TMEM132B: variants seen among roughly 807,000 people sequenced by gnomAD.
TMEM132B encodes the protein transmembrane protein 132B.
TMEM132B carries 18 observed loss-of-function variants against 90.8 expected under a neutral mutation model. The observed-to-expected ratio is 0.20, with a 90% CI of 0.14 to 0.29. The LOEUF (loss-of-function observed/expected upper bound fraction) is 0.29. Among genes scored for constraint, TMEM132B ranks in the 10% least tolerant of loss-of-function variants. The pLI is 1.00. For missense variants in TMEM132B, 1,096 were observed against 1,326.8 expected, an observed-to-expected ratio of 0.83 and a Z score of 2.70; for synonymous variants, 504 against 523.3, an observed-to-expected ratio of 0.96 and a Z score of 0.50.
At chr12:125,499,824 T>C (rs779307242) in intron 3 of TMEM132B, among the ~76,000 whole-genome samples, 4 of 152,234 alleles carry the variant, frequency 2.6e-5, no homozygotes, top group Admixed American at 6.5e-5. Context: ...TATGGAAAGA[T>C]TGTGTTTCTG....
At chr12:125,194,543 C>T (rs1036982086) in intron 1 of TMEM132B, among the ~76,000 whole-genome samples, 3 of 152,154 alleles carry the variant, frequency 2.0e-5, no homozygotes, top group East Asian at 1.9e-4. Flanking sequence ...TCCTGGCTCC[C>T]GGAGTCTGCG....
At chr12:125,222,244 T>C (rs953175747) in intron 1 of TMEM132B, among the ~76,000 whole-genome samples, 3 of 152,236 alleles carry the variant, frequency 2.0e-5, no homozygotes, top group Non-Finnish European at 4.4e-5. Flanking sequence ...TATGTGTTTG[T>C]TGCTTATTTT....
chr12:125,369,776 G>A lies in TMEM132B; in HGVS notation c.959+19433G>A, dbSNP rs9804809. On this transcript the variant is annotated intron_variant, in intron 2 of 8. Transcript: ENST00000682704. Reference sequence around the variant, plus strand: ...TAATAAGATATTTAATGGGCCGGGCGTGGTGGCTTATGCCAGTAATCCCAG... The same window carrying A: ...TAATAAGATATTTAATGGGCCGGGCATGGTGGCTTATGCCAGTAATCCCAG... 8.2e-3 allele frequency among the ~76,000 whole-genome samples: 1,253 copies of A among 152,338 alleles called. 17 individuals are homozygous for A. Among genetic ancestry groups the A allele is most frequent in the African/African-American group, 0.029 (1,199 of 41,580 alleles).
intron 6 of TMEM132B, among the ~76,000 whole-genome samples, chr12:125,644,527 G>A (rs1445818362): frequency 6.6e-6 from 1 of 152,192 alleles, no homozygotes; most frequent in Non-Finnish European, 1.5e-5. Flanking sequence ...CTAGGATTCA[G>A]TAAAACGAAT....
At chr12:125,189,805 G>T in intron 1 of TMEM132B, among the ~76,000 whole-genome samples, 1 of 152,162 alleles carries the variant, frequency 6.6e-6, no homozygotes. Flanking sequence ...TTGGCTGGGA[G>T]TCTGGGGTGG....
intron 4 of TMEM132B, among the ~76,000 whole-genome samples, chr12:125,540,629 T>A (rs1592982864): frequency 1.3e-5 from 2 of 152,184 alleles, no homozygotes; most frequent in Admixed American, 6.5e-5. Context: ...ATAGCCACTG[T>A]GGCTATCCAG....
chr12:125,355,570 TTA>T (rs1877738883), intron 2 of TMEM132B, among the ~76,000 whole-genome samples: 1 of 152,192 alleles, frequency 6.6e-6, no homozygotes, highest in South Asian at 2.1e-4. Context: ...AGTTGTATTG[TTA>T]TATGTTGTCT....
At position 125,633,681 on chromosome 12, in the gene TMEM132B, A is replaced by G. The variant is rs184125042; in HGVS notation, c.1438-10395A>G. 3.6e-3 allele frequency among the ~76,000 whole-genome samples: 555 copies of G among 152,208 alleles called. 2 individuals are homozygous for G. The highest frequency in any genetic ancestry group is 0.013 in the African/African-American group (534 of 41,526). On this transcript the variant is annotated intron_variant, in intron 5 of 8. Transcript: ENST00000682704. ...GTGTTTCTTGCAGACGCATAGTGGT[A>G]CCCCCTTGATGGTTTTAGTCAAGAT... is the stretch of plus-strand genomic sequence containing the variant.
chr12:125,531,342 C>T (rs1476262404), intron 4 of TMEM132B, among the ~76,000 whole-genome samples: 1 of 152,166 alleles, frequency 6.6e-6, no homozygotes, highest in Non-Finnish European at 1.5e-5. Context: ...TATGCCACAA[C>T]ACCCGGCTGA....
At chr12:125,539,337 C>A (rs1196111260) in intron 4 of TMEM132B, among the ~76,000 whole-genome samples, 2 of 152,202 alleles carry the variant, frequency 1.3e-5, no homozygotes, top group Non-Finnish European at 2.9e-5. Context: ...TGGAACACGT[C>A]CTTCTCTCTG....
chr12:125,234,574 G>A (rs372283980), intron 1 of TMEM132B, among the ~76,000 whole-genome samples: 2 of 152,126 alleles, frequency 1.3e-5, no homozygotes, highest in Non-Finnish European at 2.9e-5. Context: ...AACCCCCCTC[G>A]GTCCCTTCAG....
At chr12:125,377,001 AG>A (rs1271237683) in intron 2 of TMEM132B, among the ~76,000 whole-genome samples, 2 of 152,224 alleles carry the variant, frequency 1.3e-5, no homozygotes, top group Admixed American at 6.5e-5. Flanking sequence ...TTAGCGGGAC[AG>A]GGCAGGCTGG....
At chr12:125,394,686 T>A (rs983447465) in intron 2 of TMEM132B, among the ~76,000 whole-genome samples, 2 of 152,232 alleles carry the variant, frequency 1.3e-5, no homozygotes, top group Non-Finnish European at 2.9e-5. Flanking sequence ...AAGTATTCAT[T>A]TGGCTATGAA....
At chr12:125,385,470 G>T (rs1003849448) in intron 2 of TMEM132B, among the ~76,000 whole-genome samples, 1 of 152,198 alleles carries the variant, frequency 6.6e-6, no homozygotes, top group African/African-American at 2.4e-5. Flanking sequence ...GGACCCTATT[G>T]TTGGAGGCGA....
intron 2 of TMEM132B, among the ~76,000 whole-genome samples, chr12:125,402,344 C>A (rs1335762953): frequency 6.6e-6 from 1 of 152,186 alleles, no homozygotes; most frequent in Non-Finnish European, 1.5e-5. Context: ...CAACCACCAC[C>A]ACGCCTGGCT....
At chr12:125,282,232 A>G (rs1364204671) in intron 1 of TMEM132B, among the ~76,000 whole-genome samples, 1 of 151,846 alleles carries the variant, frequency 6.6e-6, no homozygotes, top group East Asian at 1.9e-4. Flanking sequence ...CTGCACTCAC[A>G]CTGCCCAGCT....
intron 3 of TMEM132B, among the ~76,000 whole-genome samples, chr12:125,432,228 G>A (rs902535459): frequency 6.6e-6 from 1 of 151,460 alleles, no homozygotes; most frequent in Non-Finnish European, 1.5e-5. Flanking sequence ...TATAGCTCTG[G>A]CATTCAGTCA....
chr12:125,618,280 G>T (rs1272935708), intron 5 of TMEM132B, among the ~76,000 whole-genome samples: 1 of 152,178 alleles, frequency 6.6e-6, no homozygotes, highest in Non-Finnish European at 1.5e-5. Context: ...AACTTGCCAT[G>T]CATGGAGTGG....
chr12:125,337,174 G>A (rs1336522343), intron 1 of TMEM132B, among the ~76,000 whole-genome samples: 1 of 152,178 alleles, frequency 6.6e-6, no homozygotes, highest in Non-Finnish European at 1.5e-5. Flanking sequence ...TTTACATAAG[G>A]AAGTGCTATG....
Sources: allele counts gnomAD v4.1 joint callset (sites outside exome capture counted in the v4.1 genomes callset), GRCh38; gene constraint gnomAD v4.1.1; transcripts MANE v1.5; gene names NCBI Gene and HGNC (gene_info 2026-07-23, HGNC 2026-07-21).